ARHGEF3: variants seen among roughly 807,000 people sequenced by gnomAD.
ARHGEF3 encodes 59.8 kDA protein.
ARHGEF3 carries 28 observed loss-of-function variants against 63.2 expected under a neutral mutation model. The observed-to-expected ratio is 0.44, with a 90% confidence interval of 0.33 to 0.61. ARHGEF3 has a LOEUF of 0.61. Among genes scored for constraint, ARHGEF3 ranks in the 20% least tolerant of loss-of-function variants. The pLI is 0.03. For missense variants in ARHGEF3, 533 were observed against 659.3 expected (o/e 0.81, Z 2.10); for synonymous variants, 266 against 254.2 (o/e 1.05, Z -0.44).
intron 3 of ARHGEF3, among the ~76,000 whole-genome samples, chr3:56,949,329 G>A (rs1229125835): frequency 6.6e-6 from 1 of 151,918 alleles, no homozygotes; most frequent in Admixed American, 6.6e-5. Flanking sequence ...AGGAAAAGAG[G>A]AAGTCAAATT....
intron 4 of ARHGEF3, among the ~76,000 whole-genome samples, chr3:56,843,434 ATT>A (rs34552051): frequency 0.12 from 17,934 of 148,310 alleles, 1,120 homozygotes; most frequent in South Asian, 0.14. Context: ...GACTTTTGTA[ATT>A]TTTTTTTTTT....
intron 3 of ARHGEF3, among the ~76,000 whole-genome samples, chr3:56,958,226 C>A (rs1460423950): frequency 6.6e-6 from 1 of 152,132 alleles, no homozygotes; most frequent in African/African-American, 2.4e-5. Context: ...CCTCAGCAAC[C>A]TTGACACTTC....
chr3:56,962,937 G>A (rs929233442), intron 2 of ARHGEF3, among the ~76,000 whole-genome samples: 1 of 152,154 alleles, frequency 6.6e-6, no homozygotes, highest in African/African-American at 2.4e-5. Flanking sequence ...TTGAGAAGAG[G>A]TTTAGCGACC....
intron 2 of ARHGEF3, among the ~76,000 whole-genome samples, chr3:56,980,162 C>T (rs1009799116): frequency 6.6e-6 from 1 of 152,194 alleles, no homozygotes; most frequent in Non-Finnish European, 1.5e-5. Context: ...CCCTACAAAT[C>T]CAATAAGTAA....
intron 3 of ARHGEF3, chr3:56,882,418 A>G: frequency 7.1e-7 from 1 of 1,406,306 alleles, no homozygotes; most frequent in Non-Finnish European, 9.9e-7. Context: ...GATTAAGGCA[A>G]GAAAAAAAGC....
chr3:56,983,260 C>T (rs147833441), intron 2 of ARHGEF3, among the ~76,000 whole-genome samples: 255 of 152,208 alleles, frequency 1.7e-3, no homozygotes, highest in Middle Eastern at 3.4e-3. Context: ...TAAAAAATCT[C>T]ATCACTAAGG....
At chr3:56,827,981 A>C (rs1371098473) in intron 4 of ARHGEF3, among the ~76,000 whole-genome samples, 2 of 147,652 alleles carry the variant, frequency 1.4e-5, no homozygotes. Flanking sequence ...GCATACCTTA[A>C]CCTCAAGATC....
intron 2 of ARHGEF3, among the ~76,000 whole-genome samples, chr3:56,769,521 GC>G (rs1156254114): frequency 6.6e-6 from 1 of 152,244 alleles, no homozygotes; most frequent in Non-Finnish European, 1.5e-5. Context: ...TGGGGTGCAA[GC>G]CCCCAGCCCA....
At chr3:56,776,776 G>A (rs533840873) in intron 1 of ARHGEF3, among the ~76,000 whole-genome samples, 5 of 152,232 alleles carry the variant, frequency 3.3e-5, no homozygotes, top group Admixed American at 2.0e-4. Flanking sequence ...CTGCAGGGAC[G>A]CTTCCTAGTC....
At chr3:56,935,650 A>T in intron 3 of ARHGEF3, among the ~76,000 whole-genome samples, 1 of 152,044 alleles carries the variant, frequency 6.6e-6, no homozygotes, top group East Asian at 1.9e-4. Flanking sequence ...GAAGGTCTGC[A>T]GCTTCACTCC....
chr3:56,975,229 C>T (rs368795908), intron 2 of ARHGEF3, among the ~76,000 whole-genome samples: 4 of 152,162 alleles, frequency 2.6e-5, no homozygotes, highest in African/African-American at 7.2e-5. Flanking sequence ...ACTAGCTTGG[C>T]CAACATGGTG....
chr3:56,799,244 TC>T (rs1483749701), intron 1 of ARHGEF3, among the ~76,000 whole-genome samples: 1 of 152,212 alleles, frequency 6.6e-6, no homozygotes, highest in African/African-American at 2.4e-5. Context: ...TAAGTGATTT[TC>T]CCCAGTACAC....
chr3:56,801,615 A>G, intron 1 of ARHGEF3, 88 bp downstream of exon 1: 1 of 1,470,154 alleles, frequency 6.8e-7, no homozygotes, highest in Non-Finnish European at 9.1e-7. Context: ...AGAGACAGTG[A>G]CACTGGACGG....
chr3:56,866,795 C>A (rs1053092485), intron 4 of ARHGEF3, among the ~76,000 whole-genome samples: 3 of 152,206 alleles, frequency 2.0e-5, no homozygotes, highest in African/African-American at 7.2e-5. Flanking sequence ...ACTCAATAAA[C>A]ACCCGTTAAG....
chr3:56,918,542 C>T (rs545856728), intron 3 of ARHGEF3, among the ~76,000 whole-genome samples: 1 of 149,274 alleles, frequency 6.7e-6, no homozygotes, highest in East Asian at 2.0e-4. Flanking sequence ...AGAGAGAGGG[C>T]CAACAGATGC....
chr3:57,032,921 GGACTC>G (rs1703792741), intron 2 of ARHGEF3, among the ~76,000 whole-genome samples: 1 of 152,080 alleles, frequency 6.6e-6, no homozygotes, highest in Non-Finnish European at 1.5e-5. Context: ...TGGGGCCCTG[GGACTC>G]TGGATAGGTG....
intron 6 of ARHGEF3, among the ~76,000 whole-genome samples, chr3:56,747,475 G>A (rs560142555): frequency 6.6e-6 from 1 of 152,276 alleles, no homozygotes; most frequent in East Asian, 1.9e-4. Flanking sequence ...TACACAGGGT[G>A]AATAATGTAC....
intron 4 of ARHGEF3, among the ~76,000 whole-genome samples, chr3:56,845,897 G>C (rs1368714943): frequency 3.9e-5 from 6 of 152,210 alleles, no homozygotes. Flanking sequence ...ATGTGGCAAA[G>C]ACTGCATCTC....
intron 2 of ARHGEF3, among the ~76,000 whole-genome samples, chr3:56,986,547 T>TGG (rs1701545855): frequency 6.6e-6 from 1 of 152,080 alleles, no homozygotes; most frequent in Admixed American, 6.6e-5. Flanking sequence ...GCAACAGCCC[T>TGG]GGGGACGGTG....
Sources: gnomAD v4.1 joint callset for allele counts (sites outside exome capture counted in the v4.1 genomes callset) on GRCh38, gnomAD v4.1.1 for gene constraint, MANE v1.5 for transcripts, NCBI Gene and HGNC (gene_info 2026-07-23, HGNC 2026-07-21) for gene names.